The following MGRN1 variants were observed in gnomAD, a reference collection of about 807,000 sequenced individuals.
The protein encoded by MGRN1 is mahogunin ring finger 1.
In MGRN1, 29 loss-of-function variants were observed where a neutral mutation model predicts 69.2. The ratio of observed to expected loss-of-function variants is 0.42; its 90% CI spans 0.31 to 0.57. The LOEUF (loss-of-function observed/expected upper bound fraction) is 0.57. MGRN1 is among the 20% of genes least tolerant of loss of function. The probability of loss-of-function intolerance (pLI) is 0.15; values close to 1 mark genes in which losing one functional copy is unlikely to be tolerated. For synonymous variants in MGRN1, 470 were observed against 344.2 expected, an observed-to-expected ratio of 1.37 and a Z score of -4.04; for missense variants, 998 against 796.2, an observed-to-expected ratio of 1.25 and a Z score of -3.05.
At chr16:4,682,345 C>T (rs1337199742) in intron 13 of MGRN1, among the ~76,000 whole-genome samples, 2 of 152,254 alleles carry the variant, frequency 1.3e-5, no homozygotes. Context: ...CGTGGTTCCC[C>T]TGGAGCCTTG....
At chr16:4,656,389 A>G (rs1241035644) in intron 4 of MGRN1, among the ~76,000 whole-genome samples, 2 of 152,072 alleles carry the variant, frequency 1.3e-5, no homozygotes, top group Non-Finnish European at 2.9e-5. Flanking sequence ...GACGCATGAA[A>G]GAGCAGTGTT....
chr16:4,670,760 C>T (rs533510573), intron 8 of MGRN1, among the ~76,000 whole-genome samples: 4 of 152,284 alleles, frequency 2.6e-5, no homozygotes, highest in African/African-American at 7.2e-5. Flanking sequence ...CCTGCAGGTA[C>T]CAGGGGAACA....
At chr16:4,630,028 C>T (rs1217296479) in intron 1 of MGRN1, among the ~76,000 whole-genome samples, 1 of 111,526 alleles carries the variant, frequency 9.0e-6, no homozygotes, top group Non-Finnish European at 1.7e-5. Context: ...GCAGCCTGGG[C>T]AAACAGTGAG....
chr16:4,650,482 A>C lies in MGRN1; in HGVS notation c.206A>C (p.Gln69Pro). ...AACTTCCTGGGCAGCCGCCCGGTCC[A>C]GGTGGGTCTGGACAGGGCTGTCTCA... ...DLNFLGSRPV[Q>P]FPYVTPAPHE... The change falls in exon 2 of 17, where the codon CAG becomes CCG. Residue 69 changes from glutamine to proline, a missense_variant and splice_region_variant. Transcript: ENST00000262370. 1 of 1,612,116 alleles carries C rather than the reference A, an allele frequency of 6.2e-7. No individual in the cohort carries two copies. The highest frequency in any genetic ancestry group is 2.2e-5 in the East Asian group (1 of 44,870).
intron 10 of MGRN1, among the ~76,000 whole-genome samples, chr16:4,674,710 G>A (rs1158346119): frequency 2.5e-5 from 3 of 121,926 alleles, no homozygotes; most frequent in Admixed American, 2.1e-4. Context: ...GCGCAATCTC[G>A]GCTCACTGCA....
intron 1 of MGRN1, among the ~76,000 whole-genome samples, chr16:4,637,083 C>G (rs930147130): frequency 7.1e-6 from 1 of 141,506 alleles, no homozygotes; most frequent in East Asian, 2.0e-4. Flanking sequence ...TGCGCCACTG[C>G]ACGCCAGCCC....
At chr16:4,664,631 A>G in intron 5 of MGRN1, 78 bp from the exon 6 acceptor site, 1 of 1,456,308 alleles carries the variant, frequency 6.9e-7, no homozygotes, top group Non-Finnish European at 9.6e-7. Context: ...TGCTTTGTCC[A>G]GCTCATTTGT....
rs374376897 is a variant in MGRN1, at chr16:4,667,285, G to T, written c.679-980G>T. 1.7e-3 allele frequency among the ~76,000 whole-genome samples: 260 copies of T among 152,336 alleles called. 1 individual carries two copies. Among genetic ancestry groups the T allele is most frequent in the African/African-American group, 6.0e-3 (250 of 41,576 alleles). On this transcript the variant is annotated intron_variant, in intron 7 of 16. Transcript: ENST00000262370. ...AGAGCACCCCAGGGTCGGGGGTTCT[G>T]TTAGCTGGGTAGAGGACCCTCTCCT...
In MGRN1 at chr16:4,681,734, G is replaced by T. The variant is rs1254492018; in HGVS notation, c.1316G>T (p.Ser439Ile). ...GCGGCTATCGACCACATCCTGGACA[G>T]CAGCCGCCAGAAGGGCAGGCCGCAG... ...PLAAIDHILDSSRQKGRPQSK... is the reference protein window; with the variant it reads ...PLAAIDHILDISRQKGRPQSK... Residue 439 changes from serine (S) to isoleucine (I), a missense_variant, in exon 13 of 17, where the codon AGC (serine) becomes ATC (isoleucine). Ser to Ile is a moderately radical substitution (Grantham distance 142, BLOSUM62 -2). Coordinates refer to ENST00000262370, the MANE Select transcript of MGRN1 (RefSeq NM_015246.4). 8 of 1,612,662 alleles carry T rather than the reference G, an allele frequency of 5.0e-6. No individual in the cohort carries two copies. In the South Asian group the frequency reaches 8.8e-5, roughly 18 times the overall value.
chr16:4,632,241 A>G (rs1898046051), intron 1 of MGRN1, among the ~76,000 whole-genome samples: 1 of 151,300 alleles, frequency 6.6e-6, no homozygotes, highest in South Asian at 2.1e-4. Flanking sequence ...GTCTTGATCT[A>G]TTGACCTTTT....
intron 8 of MGRN1, among the ~76,000 whole-genome samples, chr16:4,668,627 C>T (rs927314646): frequency 6.6e-6 from 1 of 151,752 alleles, no homozygotes; most frequent in African/African-American, 2.4e-5. Context: ...TGCAGTCATT[C>T]AGATGCACAC....
At chr16:4,652,160 TC>T (rs2078423535) in intron 3 of MGRN1, 109 bp downstream of exon 3, 1 of 1,005,178 alleles carries the variant, frequency 9.9e-7, no homozygotes, top group African/African-American at 1.6e-5. Flanking sequence ...GGCCCCAGTT[TC>T]TGCGCCCTCC....
At chr16:4,676,447 C>T (rs992365530) in intron 10 of MGRN1, among the ~76,000 whole-genome samples, 5 of 152,156 alleles carry the variant, frequency 3.3e-5, no homozygotes, top group Non-Finnish European at 5.9e-5. Context: ...ATTCTGGAAT[C>T]TTCAGGTGTG....
chr16:4,670,139 A>G (rs1260415416), intron 8 of MGRN1, among the ~76,000 whole-genome samples: 5 of 152,162 alleles, frequency 3.3e-5, no homozygotes, highest in Non-Finnish European at 5.9e-5. Flanking sequence ...ATCTCAGCTC[A>G]CTTCAACCTC....
intron 16 of MGRN1, chr16:4,686,163 G>T (rs776031659): frequency 2.8e-6 from 4 of 1,424,570 alleles, no homozygotes; most frequent in South Asian, 1.3e-5. Flanking sequence ...AGACGGCCTC[G>T]ACCGTGTCCC....
intron 4 of MGRN1, among the ~76,000 whole-genome samples, 171 bp from the exon 5 acceptor site, chr16:4,657,075 C>T (rs894845624): frequency 6.6e-6 from 1 of 152,136 alleles, no homozygotes; most frequent in African/African-American, 2.4e-5. Flanking sequence ...CCGTGGAAGG[C>T]CCTGGAAGGG....
At chr16:4,625,331 G>A (rs531415470) in intron 1 of MGRN1, among the ~76,000 whole-genome samples, 2 of 152,314 alleles carry the variant, frequency 1.3e-5, no homozygotes, top group South Asian at 2.1e-4. Context: ...GCAACAGGGG[G>A]GAGCTCCTGG....
intron 1 of MGRN1, among the ~76,000 whole-genome samples, chr16:4,625,740 C>T (rs931739928): frequency 6.6e-6 from 1 of 152,234 alleles, no homozygotes; most frequent in Non-Finnish European, 1.5e-5. Context: ...TCCCACGTAG[C>T]TTTGTTCCCA....
intron 1 of MGRN1, among the ~76,000 whole-genome samples, chr16:4,631,929 A>G (rs1169293822): frequency 2.2e-5 from 3 of 135,136 alleles, no homozygotes; most frequent in African/African-American, 8.5e-5. Context: ...AGATAACTTT[A>G]CCTATTTAAG....
Sources: allele counts gnomAD v4.1 joint callset (sites outside exome capture counted in the v4.1 genomes callset), GRCh38; gene constraint gnomAD v4.1.1; transcripts MANE v1.5; gene names NCBI Gene and HGNC (gene_info 2026-07-23, HGNC 2026-07-21).